RTTN: variants seen among roughly 807,000 people sequenced by gnomAD.
RTTN encodes the protein rotatin.
Under a neutral mutation model 269.2 loss-of-function variants are expected in RTTN, and 182 were observed. The ratio of observed to expected loss-of-function variants is 0.68; its 90% CI spans 0.60 to 0.76. The LOEUF is 0.76. RTTN is among the 30% of genes least tolerant of loss of function. RTTN has a pLI of 0.00. For synonymous variants in RTTN, 1,006 were observed against 963.5 expected (o/e 1.04, Z -0.82); for missense variants, 2,545 against 2,608.6 (o/e 0.98, Z 0.53).
intron 34 of RTTN, among the ~76,000 whole-genome samples, chr18:70,067,154 A>T (rs2058158156): frequency 7.4e-6 from 1 of 134,960 alleles, no homozygotes; most frequent in Admixed American, 9.3e-5. Flanking sequence ...AATAACCTAA[A>T]GCTTGTTTAT....
At position 70,054,280 on chromosome 18, in the gene RTTN, G is replaced by C; in HGVS notation, c.5036C>G (p.Ser1679Cys). The C allele has an allele frequency of 1.2e-6, 2 of 1,607,684 alleles. No individual in the cohort carries two copies. Among genetic ancestry groups the C allele is most frequent in the Non-Finnish European group, 1.7e-6 (2 of 1,176,892 alleles). ...AGAGGATAGGTATTCCAGGAGAAAGGAAACCTGTTTGAAAAGGAGACAGGG... is the reference window on the plus strand; with the variant it reads ...AGAGGATAGGTATTCCAGGAGAAAGCAAACCTGTTTGAAAAGGAGACAGGG... ...PPAEHTQAQV[S>C]FLLEYLSSLS... Residue 1679 changes from serine to cysteine, a missense_variant, in exon 38 of 49, where the codon TCC becomes TGC. Ser to Cys is a moderately radical substitution (Grantham distance 112, BLOSUM62 -1). Transcript: ENST00000640769.
chr18:70,016,586 C>T (rs2056544283), intron 46 of RTTN, among the ~76,000 whole-genome samples: 1 of 152,170 alleles, frequency 6.6e-6, no homozygotes, highest in South Asian at 2.1e-4. Flanking sequence ...TTCACATACT[C>T]CTCACAGAGA....
intron 40 of RTTN, among the ~76,000 whole-genome samples, chr18:70,032,674 T>C (rs1181054171): frequency 6.6e-6 from 1 of 152,210 alleles, no homozygotes; most frequent in Non-Finnish European, 1.5e-5. Flanking sequence ...TCCAGATTCA[T>C]AAAGCAAGTT....
intron 15 of RTTN, 161 bp from the exon 16 acceptor site, chr18:70,150,248 G>T: frequency 3.3e-6 from 2 of 597,180 alleles, no homozygotes; most frequent in Non-Finnish European, 6.0e-6. Context: ...ATTCTGTTCT[G>T]TTTTTCTTCC....
chr18:70,066,263 A>G (rs2058131039), intron 34 of RTTN, among the ~76,000 whole-genome samples: 2 of 152,200 alleles, frequency 1.3e-5, no homozygotes, highest in Admixed American at 1.3e-4. Context: ...ATTTATTGTG[A>G]TATTTTGCAT....
At chr18:70,051,682 T>A in intron 38 of RTTN, 134 bp from the exon 39 acceptor site, 1 of 565,534 alleles carries the variant, frequency 1.8e-6, no homozygotes, top group Non-Finnish European at 2.9e-6. Context: ...AAGACAAATC[T>A]AATTCAGCAT....
At chr18:70,163,684 T>C (rs2060908010) in intron 14 of RTTN, among the ~76,000 whole-genome samples, 1 of 152,200 alleles carries the variant, frequency 6.6e-6, no homozygotes, top group Non-Finnish European at 1.5e-5. Flanking sequence ...TTTGAAATTA[T>C]TTGGATTTCT....
intron 26 of RTTN, among the ~76,000 whole-genome samples, chr18:70,118,691 A>G (rs2059658818): frequency 6.6e-6 from 1 of 152,166 alleles, no homozygotes; most frequent in Non-Finnish European, 1.5e-5. Flanking sequence ...CCTTTACCAA[A>G]TACTGGCAAA....
intron 4 of RTTN, among the ~76,000 whole-genome samples, chr18:70,201,656 A>G (rs760482006): frequency 6.7e-6 from 1 of 148,906 alleles, no homozygotes; most frequent in Non-Finnish European, 1.5e-5. Context: ...TCAGTACGAC[A>G]TACTACTGCC....
intron 11 of RTTN, among the ~76,000 whole-genome samples, chr18:70,176,238 T>C (rs2061296186): frequency 2.1e-5 from 3 of 145,732 alleles, no homozygotes; most frequent in South Asian, 2.1e-4. Context: ...TATATGTATA[T>C]GTATATGTAT....
intron 40 of RTTN, among the ~76,000 whole-genome samples, chr18:70,037,412 T>A (rs898393513): frequency 6.6e-6 from 1 of 152,184 alleles, no homozygotes; most frequent in African/African-American, 2.4e-5. Context: ...TTGTCTTGCA[T>A]CTTAGATACC....
In RTTN at chr18:70,108,137, C is replaced by T. The variant is rs546795495; in HGVS notation, c.3903+1361G>A. On this transcript the variant is annotated intron_variant, in intron 28 of 48. Transcript: ENST00000640769. The stretch of plus-strand genomic sequence containing the variant: ...ACTAAAAAGACAAAAATTAGCTGTG[C>T]GTGGTGGCAGGCGCCTGTAATCCCA... 4.2e-4 allele frequency among the ~76,000 whole-genome samples: 64 copies of T among 152,158 alleles called. 2 individuals carry two copies. The South Asian group carries it at 0.013, about 30-fold the overall frequency.
chr18:70,030,512 GTT>G (rs1400565896), intron 41 of RTTN, among the ~76,000 whole-genome samples: 1 of 152,156 alleles, frequency 6.6e-6, no homozygotes, highest in African/African-American at 2.4e-5. Flanking sequence ...ATCTGTTGCT[GTT>G]TTTACCATCA....
At chr18:70,103,165 G>A (rs553352837) in intron 28 of RTTN, among the ~76,000 whole-genome samples, 52 of 151,998 alleles carry the variant, frequency 3.4e-4, no homozygotes, top group East Asian at 2.9e-3. Context: ...TGGCCGCCTC[G>A]TCTGGGAAGT....
At chr18:70,169,143 T>C (rs2061070420) in intron 11 of RTTN, 76 bp from the exon 12 acceptor site, 3 of 1,100,748 alleles carry the variant, frequency 2.7e-6, no homozygotes, top group African/African-American at 3.2e-5. Context: ...TAGTGGGCTA[T>C]AGTCTTAATC....
chr18:70,093,685 G>A (rs1234984841), intron 28 of RTTN, among the ~76,000 whole-genome samples: 1 of 152,140 alleles, frequency 6.6e-6, no homozygotes, highest in East Asian at 1.9e-4. Context: ...TTTTTGATGT[G>A]CTGCTGGATT....
intron 28 of RTTN, among the ~76,000 whole-genome samples, chr18:70,093,358 G>C (rs1374117496): frequency 6.6e-6 from 1 of 151,980 alleles, no homozygotes; most frequent in Non-Finnish European, 1.5e-5. Context: ...TCCTTTTAAA[G>C]AGTTTATGAA....
intron 27 of RTTN, among the ~76,000 whole-genome samples, chr18:70,110,098 G>A (rs973482633): frequency 6.6e-6 from 1 of 151,962 alleles, no homozygotes; most frequent in South Asian, 2.1e-4. Flanking sequence ...AGGTGTGGTG[G>A]TGCACACCTA....
At chr18:70,152,764 C>G (rs1357792926) in intron 14 of RTTN, among the ~76,000 whole-genome samples, 2 of 152,142 alleles carry the variant, frequency 1.3e-5, no homozygotes, top group Non-Finnish European at 1.5e-5. Flanking sequence ...TTCATCTCCA[C>G]TACACCACCA....
Sources: gnomAD v4.1 joint callset for allele counts (sites outside exome capture counted in the v4.1 genomes callset) on GRCh38, gnomAD v4.1.1 for gene constraint, MANE v1.5 for transcripts, NCBI Gene and HGNC (gene_info 2026-07-23, HGNC 2026-07-21) for gene names.